The following CEP41 variants were observed in gnomAD, a reference collection of about 807,000 sequenced individuals.
CEP41 encodes centrosomal protein of 41 kDa.
Under a neutral mutation model 44.3 loss-of-function variants are expected in CEP41, and 32 were observed. That is an observed-to-expected ratio of 0.72 (90% CI 0.54 to 0.97). The LOEUF (loss-of-function observed/expected upper bound fraction) is 0.97, where lower values mean the gene tolerates loss of function less well. Among genes scored for constraint, CEP41 ranks in the 50% least tolerant of loss-of-function variants. The pLI is 0.00. For synonymous variants in CEP41, 151 were observed against 168.5 expected (o/e 0.90, Z 0.80); for missense variants, 432 against 455.2 (o/e 0.95, Z 0.46).
At chr7:130,410,086 C>T (rs970554868) in intron 5 of CEP41, among the ~76,000 whole-genome samples, 4 of 142,824 alleles carry the variant, frequency 2.8e-5, no homozygotes, top group Admixed American at 7.5e-5. Context: ...AGTGCAATGG[C>T]GTAGTCTCAG....
At position 130,394,096 on chromosome 7, in the gene CEP41, T is replaced by G. The variant is rs1292107297; in HGVS notation, c.*4795A>C. On this transcript the variant is annotated 3_prime_UTR_variant, in exon 11 of 11. Transcript: ENST00000223208. The stretch of plus-strand genomic sequence containing the variant: ...CTGACTAGGAGGGAAGGGAAGCCAA[T>G]AGCGAAGGGAAAGGTACATTTTCAC... 2.2e-6 allele frequency: 1 copy of G among 453,900 alleles called. No individual in the cohort carries two copies. The highest frequency in any genetic ancestry group is 2.0e-5 in the African/African-American group (1 of 49,964). 28.1% of individuals were successfully genotyped at this position (453,900 alleles called of 1,614,324 possible).
intron 10 of CEP41, 109 bp from the exon 11 acceptor site, chr7:130,399,148 T>A: frequency 7.3e-7 from 1 of 1,378,076 alleles, no homozygotes; most frequent in Non-Finnish European, 1.0e-6. Context: ...ACTTTTAAGC[T>A]AATGAAGTCC....
Position 130,397,821 on chromosome 7 carries a change from C to T in CEP41, c.*1070G>A, listed in dbSNP as rs1554415473. The T allele has an allele frequency of 2.2e-6, 1 of 445,306 alleles. No homozygotes were observed. The highest frequency in any genetic ancestry group is 2.0e-5 in the African/African-American group (1 of 49,682). 27.6% of individuals were successfully genotyped at this position (445,306 alleles called of 1,614,324 possible). On this transcript the variant is annotated 3_prime_UTR_variant, in exon 11 of 11. Coordinates refer to ENST00000223208, the MANE Select transcript of CEP41 (RefSeq NM_018718.3). ...AATTAATGCTGATTCAAAATTCCGG[C>T]CAAAACCAGAATCTATAATCACAAC...
At chr7:130,406,354 C>CG (rs782544168) in intron 5 of CEP41, among the ~76,000 whole-genome samples, 31 of 152,106 alleles carry the variant, frequency 2.0e-4, no homozygotes, top group Non-Finnish European at 3.8e-4. Flanking sequence ...GAGGCTGAGG[C>CG]GGGTGGATCA....
rs1796586850 is a variant in CEP41, at chr7:130,393,888, A to C, written c.*5003T>G. On this transcript the variant is annotated 3_prime_UTR_variant, in exon 11 of 11. Transcript: ENST00000223208. ...TCTCATTCCTTAAGTGGTACTTTGC[A>C]AGGTGTCCATTAACAGACAAAATAA... The C allele has an allele frequency of 2.2e-6, 1 of 453,988 alleles. No individual in the cohort carries two copies. The highest frequency in any genetic ancestry group is 2.0e-5 in the African/African-American group (1 of 50,000). The allele number at this position is 453,988 out of a possible 1,614,324, so 28.1% of individuals were successfully genotyped here. A position where few individuals can be genotyped will look rare whatever the true frequency, so the allele number is the denominator to read the frequency against.
rs1435122203 is a variant in CEP41 at position 130,394,737 on chromosome 7, A to G, written c.*4154T>C. 4.4e-6 allele frequency: 2 copies of G among 454,026 alleles called. No individual in the cohort carries two copies. Among genetic ancestry groups the G allele is most frequent in the African/African-American group, 4.0e-5 (2 of 50,016 alleles). 28.1% of individuals were successfully genotyped at this position (454,026 alleles called of 1,614,324 possible). On this transcript the variant is annotated 3_prime_UTR_variant, in exon 11 of 11. Coordinates refer to ENST00000223208, the MANE Select transcript of CEP41 (RefSeq NM_018718.3). ...CAGTGGGCATCACATCCAAACTTCA[A>G]TCTTGACAGGTTCAATTCATTTATT... is the stretch of plus-strand genomic sequence containing the variant.
In CEP41 at chr7:130,397,160, T is replaced by C. The variant is rs1240047266; in HGVS notation, c.*1731A>G. 5 of 454,540 alleles carry C rather than the reference T, an allele frequency of 1.1e-5. No homozygotes were observed. The East Asian group carries it at 3.5e-4, about 32-fold the overall frequency. 28.2% of individuals were successfully genotyped at this position (454,540 alleles called of 1,614,324 possible). A position where few individuals can be genotyped will look rare whatever the true frequency, so the allele number is the denominator to read the frequency against. On this transcript the variant is annotated 3_prime_UTR_variant, in exon 11 of 11. Coordinates refer to ENST00000223208, the MANE Select transcript of CEP41 (RefSeq NM_018718.3). ...TAAAGAAAATACAAAGCCAGAGCAT[T>C]TTGGCATTAGCAAAGGCTGAACTAA... is the stretch of plus-strand genomic sequence containing the variant.
chr7:130,401,782 A>T (rs1796850791), intron 8 of CEP41, 99 bp downstream of exon 8: 2 of 802,264 alleles, frequency 2.5e-6, no homozygotes, highest in Non-Finnish European at 4.4e-6. Context: ...ATAATATCAA[A>T]GGTCCTTCAC....
At chr7:130,415,271 T>C (rs77005391) in intron 3 of CEP41, among the ~76,000 whole-genome samples, 11,048 of 152,254 alleles carry the variant, frequency 0.073, 558 homozygotes, top group Middle Eastern at 0.11. Context: ...CTGAGTAAAG[T>C]GATGGGTCTA....
At chr7:130,406,228 G>A (rs1214023509) in intron 5 of CEP41, among the ~76,000 whole-genome samples, 3 of 152,078 alleles carry the variant, frequency 2.0e-5, no homozygotes, top group Admixed American at 1.3e-4. Flanking sequence ...ATAGAGTGGA[G>A]GAAGAGAACA....
At chr7:130,424,542 C>G (rs782658062) in intron 2 of CEP41, among the ~76,000 whole-genome samples, 2 of 151,928 alleles carry the variant, frequency 1.3e-5, no homozygotes, top group Non-Finnish European at 2.9e-5. Context: ...AATAGAGAAC[C>G]CAGAAATAGA....
intron 1 of CEP41, among the ~76,000 whole-genome samples, chr7:130,430,297 A>G (rs1797786444): frequency 6.6e-6 from 1 of 152,224 alleles, no homozygotes; most frequent in Non-Finnish European, 1.5e-5. Context: ...AAAAAATCCC[A>G]GAGTGAAAGG....
chr7:130,404,326 A>C (rs1554417705), intron 6 of CEP41, among the ~76,000 whole-genome samples: 1 of 152,212 alleles, frequency 6.6e-6, no homozygotes. Flanking sequence ...ATGGAACGAG[A>C]AATGAAAATT....
In CEP41 at chr7:130,419,648, G is replaced by GA. The variant is rs1299711318; in HGVS notation, c.98-2683dup. 992 of 934,578 alleles carry GA rather than the reference G, an allele frequency of 1.1e-3. 1 individual carries two copies. The highest frequency in any genetic ancestry group is 1.2e-3 in the Non-Finnish European group (930 of 786,204). The allele number at this position is 934,578 out of a possible 1,614,324, so 57.9% of individuals were successfully genotyped here. ...CCAGATAAGACTTTTTGATCAAAAA[G>GA]AAAAAAAAAAGTCAGTGGCTCCCCA... On this transcript the variant is annotated intron_variant, in intron 2 of 10. Transcript: ENST00000223208.
intron 2 of CEP41, chr7:130,421,100 T>C (rs1797495093): frequency 1.0e-6 from 1 of 984,616 alleles, no homozygotes; most frequent in Admixed American, 6.1e-5. Flanking sequence ...ACAATTAGAA[T>C]CAAGAGGAAG....
At chr7:130,407,902 C>T (rs1797062095) in intron 5 of CEP41, among the ~76,000 whole-genome samples, 1 of 152,010 alleles carries the variant, frequency 6.6e-6, no homozygotes, top group Non-Finnish European at 1.5e-5. Flanking sequence ...GGAAAAAGAT[C>T]TGTAACACAT....
chr7:130,437,591 G>A (rs1039488128), intron 1 of CEP41, among the ~76,000 whole-genome samples: 24 of 131,450 alleles, frequency 1.8e-4, no homozygotes, highest in African/African-American at 5.2e-4. Context: ...GGCAACATAG[G>A]GAGACCCCAT....
chr7:130,409,896 G>A (rs1797122377), intron 5 of CEP41, among the ~76,000 whole-genome samples: 1 of 152,100 alleles, frequency 6.6e-6, no homozygotes, highest in African/African-American at 2.4e-5. Context: ...CATGCCTGGT[G>A]TGCTGTCCTC....
At position 130,440,487 on chromosome 7, in the gene CEP41, G is replaced by A. The variant is rs1310512112; in HGVS notation, c.33+447C>T. 8 of 322,876 alleles carry A rather than the reference G, an allele frequency of 2.5e-5. No individual in the cohort carries two copies. In the East Asian group the frequency reaches 4.3e-4, roughly 17 times the overall value. 20.0% of individuals were successfully genotyped at this position (322,876 alleles called of 1,614,324 possible). A position where few individuals can be genotyped will look rare whatever the true frequency, so the allele number is the denominator to read the frequency against. On this transcript the variant is annotated intron_variant, in intron 1 of 10. Coordinates refer to ENST00000223208, the MANE Select transcript of CEP41 (RefSeq NM_018718.3). Reference sequence around the variant, plus strand: ...AAGGGTCCTATGGAGAGAGGGGTAAGCCTAATGTCCTATTTTGCCCGTTTT... The same window carrying A: ...AAGGGTCCTATGGAGAGAGGGGTAAACCTAATGTCCTATTTTGCCCGTTTT...
Sources: gnomAD v4.1 joint callset for allele counts (sites outside exome capture counted in the v4.1 genomes callset) on GRCh38, gnomAD v4.1.1 for gene constraint, MANE v1.5 for transcripts, NCBI Gene and HGNC (gene_info 2026-07-23, HGNC 2026-07-21) for gene names.